Variants in ADGRL3 observed in about 807,000 individuals in gnomAD.
The protein encoded by ADGRL3 is calcium-independent alpha-latrotoxin receptor 3.
ADGRL3 carries 62 observed loss-of-function variants against 153.5 expected under a neutral mutation model. The observed-to-expected ratio is 0.40, with a 90% CI of 0.33 to 0.50. The LOEUF is 0.50. Among genes scored for constraint, ADGRL3 ranks in the 20% least tolerant of loss-of-function variants. ADGRL3 has a pLI of 0.47. For synonymous variants in ADGRL3, 710 were observed against 672.5 expected, an observed-to-expected ratio of 1.06 and a Z score of -0.86; for missense variants, 1,641 against 1,859.4, an observed-to-expected ratio of 0.88 and a Z score of 2.16.
At chr4:61,971,897 C>G (rs999818229) in intron 17 of ADGRL3, among the ~76,000 whole-genome samples, 166 of 152,272 alleles carry the variant, frequency 1.1e-3, no homozygotes, top group African/African-American at 3.9e-3. Flanking sequence ...TTGCATTTAT[C>G]TGATGGCCAG....
chr4:61,746,727 T>C (rs1394127162), intron 8 of ADGRL3, among the ~76,000 whole-genome samples: 6 of 152,240 alleles, frequency 3.9e-5, no homozygotes, highest in Admixed American at 6.5e-5. Flanking sequence ...GGGAAATTTA[T>C]AGCACTAAAT....
chr4:61,301,798 ACAG>A, intron 1 of ADGRL3, among the ~76,000 whole-genome samples: 1 of 152,316 alleles, frequency 6.6e-6, no homozygotes, highest in Admixed American at 6.5e-5. Context: ...ATCTGAAATA[ACAG>A]CACTAAAAAG....
intron 9 of ADGRL3, among the ~76,000 whole-genome samples, chr4:61,817,683 G>A (rs2097703609): frequency 6.6e-6 from 1 of 152,274 alleles, no homozygotes; most frequent in Admixed American, 6.5e-5. Flanking sequence ...AAAGAAAGGA[G>A]GTTTAATGGA....
At chr4:62,051,127 ATG>A (rs200943522) in intron 25 of ADGRL3, among the ~76,000 whole-genome samples, 5 of 142,466 alleles carry the variant, frequency 3.5e-5, no homozygotes, top group Admixed American at 1.5e-4. Context: ...GTGTATATAT[ATG>A]TGTGTATATA....
At chr4:61,768,271 C>G (rs538893435) in intron 8 of ADGRL3, among the ~76,000 whole-genome samples, 2 of 151,648 alleles carry the variant, frequency 1.3e-5, no homozygotes, top group Admixed American at 6.6e-5. Flanking sequence ...GGAGGGGAGG[C>G]AATAAAAAGA....
chr4:61,335,291 C>A (rs950436621), intron 1 of ADGRL3, among the ~76,000 whole-genome samples: 4 of 152,048 alleles, frequency 2.6e-5, no homozygotes, highest in Non-Finnish European at 4.4e-5. Context: ...GCATAGATTT[C>A]TTTTCAGTAC....
At chr4:61,683,114 A>ATTT (rs34187412) in intron 6 of ADGRL3, among the ~76,000 whole-genome samples, 4,179 of 141,094 alleles carry the variant, frequency 0.03, 231 homozygotes, top group African/African-American at 0.099. Context: ...CAAGAGCTGT[A>ATTT]TTTTTTTTTT....
rs1722065029 is a variant in ADGRL3 at position 62,031,619 on chromosome 4, G to A, written c.3591+9G>A. On this transcript the variant is annotated intron_variant, in intron 23 of 26. Transcript: ENST00000683033. ...GTGTCCTACAGAAGAAGGTAAGCTA[G>A]AATTCTTTTTTTAAAATAAAAATGG... 6.3e-7 allele frequency: 1 copy of A among 1,581,148 alleles called. No individual in the cohort carries two copies. The highest frequency in any genetic ancestry group is 1.8e-5 in the Admixed American group (1 of 56,446).
chr4:62,061,590 T>G (rs1185039776), intron 25 of ADGRL3, among the ~76,000 whole-genome samples: 1 of 152,010 alleles, frequency 6.6e-6, no homozygotes, highest in Non-Finnish European at 1.5e-5. Context: ...ATGTTGTCCT[T>G]TCATGACAAT....
intron 4 of ADGRL3, among the ~76,000 whole-genome samples, chr4:61,573,759 A>G (rs1329979166): frequency 3.3e-5 from 5 of 152,114 alleles, no homozygotes; most frequent in African/African-American, 1.2e-4. Context: ...ATTGACCTAT[A>G]TTCAATAAAT....
chr4:61,707,477 T>A (rs1357855980), intron 6 of ADGRL3, among the ~76,000 whole-genome samples: 1 of 152,202 alleles, frequency 6.6e-6, no homozygotes, highest in Non-Finnish European at 1.5e-5. Context: ...ATAATGTTGA[T>A]TTTTAAAAAT....
intron 2 of ADGRL3, among the ~76,000 whole-genome samples, chr4:61,388,669 C>T (rs957562137): frequency 4.6e-5 from 7 of 152,192 alleles, no homozygotes; most frequent in African/African-American, 1.7e-4. Flanking sequence ...TTTCCTTGCT[C>T]CACTGTTGTC....
chr4:61,629,441 A>C (rs2149992249), intron 5 of ADGRL3, among the ~76,000 whole-genome samples: 1 of 152,044 alleles, frequency 6.6e-6, no homozygotes, highest in East Asian at 1.9e-4. Context: ...CCAAGTGGCC[A>C]GGCGCGGTGG....
At chr4:61,678,786 G>A (rs1014821335) in intron 6 of ADGRL3, among the ~76,000 whole-genome samples, 2 of 151,590 alleles carry the variant, frequency 1.3e-5, no homozygotes, top group South Asian at 2.1e-4. Context: ...TAATTTATAC[G>A]TTGTAGCCTG....
chr4:61,893,828 C>T (rs553602819), intron 10 of ADGRL3, among the ~76,000 whole-genome samples: 1 of 151,516 alleles, frequency 6.6e-6, no homozygotes, highest in Non-Finnish European at 1.5e-5. Flanking sequence ...CTGCCTCAGC[C>T]TCCTGAGTAG....
At chr4:61,267,762 A>G (rs2092937760) in intron 1 of ADGRL3, among the ~76,000 whole-genome samples, 1 of 151,600 alleles carries the variant, frequency 6.6e-6, no homozygotes, top group African/African-American at 2.4e-5. Context: ...GAACTTAATC[A>G]CTGTATCTAT....
At chr4:61,869,090 A>G (rs188314169) in intron 9 of ADGRL3, among the ~76,000 whole-genome samples, 7 of 152,198 alleles carry the variant, frequency 4.6e-5, no homozygotes, top group Middle Eastern at 3.4e-3. Context: ...CTACAGGCAC[A>G]CACCACCATG....
chr4:61,522,332 T>C (rs933050086), intron 4 of ADGRL3, among the ~76,000 whole-genome samples: 2 of 152,156 alleles, frequency 1.3e-5, no homozygotes, highest in Non-Finnish European at 2.9e-5. Context: ...TGAACCTTGA[T>C]TAATCTCTTG....
At chr4:61,798,656 C>T (rs1280651616) in intron 8 of ADGRL3, among the ~76,000 whole-genome samples, 7 of 151,792 alleles carry the variant, frequency 4.6e-5, no homozygotes, top group Admixed American at 1.3e-4. Context: ...CTTGCTCTAT[C>T]GCTCAGGCTG....
Sources: gnomAD v4.1 joint callset for allele counts (sites outside exome capture counted in the v4.1 genomes callset) on GRCh38, gnomAD v4.1.1 for gene constraint, MANE v1.5 for transcripts, NCBI Gene and HGNC (gene_info 2026-07-23, HGNC 2026-07-21) for gene names.